Variants in TBC1D19 observed in about 807,000 individuals in gnomAD.
The protein encoded by TBC1D19 is TBC1 domain family member 19, also known as TBC1 domain family, member 19.
In TBC1D19, 60 loss-of-function variants were observed where a neutral mutation model predicts 89.0. That is an observed-to-expected ratio of 0.67 (90% CI 0.55 to 0.84). The LOEUF (loss-of-function observed/expected upper bound fraction) is 0.84, where lower values mean the gene tolerates loss of function less well. TBC1D19 is among the 40% of genes least tolerant of loss of function. TBC1D19 has a pLI of 0.00. For missense variants in TBC1D19, 500 were observed against 610.8 expected (o/e 0.82, Z 1.91); for synonymous variants, 189 against 199.7 (o/e 0.95, Z 0.45).
chr4:26,674,310 A>G (rs1052692858), intron 11 of TBC1D19, among the ~76,000 whole-genome samples: 1 of 152,126 alleles, frequency 6.6e-6, no homozygotes, highest in Non-Finnish European at 1.5e-5. Context: ...GGTTCTAGAA[A>G]TTGACAGATT....
At chr4:26,734,504 C>T (rs753826303) in intron 15 of TBC1D19, among the ~76,000 whole-genome samples, 17 of 152,020 alleles carry the variant, frequency 1.1e-4, no homozygotes, top group South Asian at 1.0e-3. Context: ...GAATGTGAGA[C>T]GATGTTTAGC....
At chr4:26,614,837 C>G (rs1741582834) in intron 3 of TBC1D19, among the ~76,000 whole-genome samples, 1 of 152,056 alleles carries the variant, frequency 6.6e-6, no homozygotes, top group Non-Finnish European at 1.5e-5. Flanking sequence ...GCCACAACAC[C>G]TGGCTAATTT....
chr4:26,776,194 G>A, the TBC1D19 span, among the ~76,000 whole-genome samples: 1 of 152,050 alleles, frequency 6.6e-6, no homozygotes, highest in Non-Finnish European at 1.5e-5. Flanking sequence ...CTAGTAGGTT[G>A]GTCATTGTTA....
chr4:26,803,475 CAT>C, the TBC1D19 span, among the ~76,000 whole-genome samples: 7 of 152,178 alleles, frequency 4.6e-5, no homozygotes, highest in African/African-American at 7.2e-5. Flanking sequence ...TGAGCACAAA[CAT>C]ATAAATGACA....
chr4:26,685,293 C>T (rs1258727807), intron 12 of TBC1D19, among the ~76,000 whole-genome samples: 1 of 152,186 alleles, frequency 6.6e-6, no homozygotes. Flanking sequence ...AGTGCCAATG[C>T]CTGTTTTTAA....
At chr4:26,712,344 C>G (rs1039461110) in intron 13 of TBC1D19, among the ~76,000 whole-genome samples, 6 of 151,946 alleles carry the variant, frequency 3.9e-5, no homozygotes, top group Non-Finnish European at 7.4e-5. Flanking sequence ...GTTTTTCTTG[C>G]CATTTATAGA....
chr4:26,579,355 C>T (rs947037409), upstream of TBC1D19, among the ~76,000 whole-genome samples: 6 of 152,142 alleles, frequency 3.9e-5, no homozygotes, highest in African/African-American at 9.7e-5. Flanking sequence ...TTGTAACTAG[C>T]GGTGATCATG....
intron 15 of TBC1D19, among the ~76,000 whole-genome samples, chr4:26,730,343 A>G (rs1270971616): frequency 6.6e-6 from 1 of 152,210 alleles, no homozygotes; most frequent in East Asian, 1.9e-4. Context: ...AGACAGTAAG[A>G]TAGGGAAAGG....
the TBC1D19 span, among the ~76,000 whole-genome samples, chr4:26,775,859 T>G: frequency 4.6e-5 from 7 of 151,408 alleles, no homozygotes; most frequent in Non-Finnish European, 1.0e-4. Flanking sequence ...AGGTGGTCAG[T>G]TTTTTTTTAA....
At chr4:26,661,102 C>T (rs1367634534) in intron 8 of TBC1D19, among the ~76,000 whole-genome samples, 1 of 152,016 alleles carries the variant, frequency 6.6e-6, no homozygotes, top group Non-Finnish European at 1.5e-5. Flanking sequence ...AGAAGTTAGT[C>T]CCCCAGATTC....
intron 16 of TBC1D19, 99 bp from the exon 17 acceptor site, chr4:26,739,765 T>C: frequency 7.7e-6 from 5 of 651,756 alleles, no homozygotes; most frequent in Non-Finnish European, 1.2e-5. Context: ...GTGGTGTATA[T>C]GATTACTATA....
At chr4:26,598,861 A>G (rs983550195) in intron 1 of TBC1D19, among the ~76,000 whole-genome samples, 2 of 152,174 alleles carry the variant, frequency 1.3e-5, no homozygotes, top group African/African-American at 4.8e-5. Context: ...TCCTTGAAGT[A>G]ATAGAAAGTT....
At chr4:26,761,322 T>A in the TBC1D19 span, among the ~76,000 whole-genome samples, 1 of 152,208 alleles carries the variant, frequency 6.6e-6, no homozygotes, top group Admixed American at 6.5e-5. Flanking sequence ...TGTTGAGTCC[T>A]CCAATCCATA....
At chr4:26,603,300 C>CAAT (rs1740755009) in intron 1 of TBC1D19, among the ~76,000 whole-genome samples, 1 of 151,896 alleles carries the variant, frequency 6.6e-6, no homozygotes, top group Non-Finnish European at 1.5e-5. Context: ...CTTAGTTAAC[C>CAAT]AATATATTTG....
At chr4:26,820,304 C>T in the TBC1D19 span, among the ~76,000 whole-genome samples, 1 of 152,180 alleles carries the variant, frequency 6.6e-6, no homozygotes, top group Non-Finnish European at 1.5e-5. Flanking sequence ...GTTTGTTCAA[C>T]ATCTTTTCTT....
At chr4:26,619,789 A>G (rs1268001370) in intron 3 of TBC1D19, among the ~76,000 whole-genome samples, 2 of 152,180 alleles carry the variant, frequency 1.3e-5, no homozygotes, top group African/African-American at 2.4e-5. Context: ...CAATGTTTCT[A>G]TGGACAGTTT....
intron 19 of TBC1D19, among the ~76,000 whole-genome samples, chr4:26,751,050 C>G (rs1401236423): frequency 1.3e-5 from 2 of 152,114 alleles, no homozygotes; most frequent in African/African-American, 4.8e-5. Flanking sequence ...ATATTAGAGC[C>G]TCTATATTTC....
chr4:26,797,402 A>G, the TBC1D19 span, among the ~76,000 whole-genome samples: 3 of 152,238 alleles, frequency 2.0e-5, no homozygotes, highest in East Asian at 5.8e-4. Flanking sequence ...GATGATATAA[A>G]CAAGTGGAAA....
At chr4:26,783,241 C>T in the TBC1D19 span, among the ~76,000 whole-genome samples, 21 of 152,136 alleles carry the variant, frequency 1.4e-4, no homozygotes, top group African/African-American at 4.1e-4. Context: ...ACTGGTGTCA[C>T]GTGAAGGTCA....
Sources: allele counts gnomAD v4.1 joint callset (sites outside exome capture counted in the v4.1 genomes callset), GRCh38; gene constraint gnomAD v4.1.1; transcripts MANE v1.5; gene names NCBI Gene and HGNC (gene_info 2026-07-23, HGNC 2026-07-21).